The following LUZP2 variants were observed in gnomAD, a reference collection of about 807,000 sequenced individuals.
LUZP2 encodes the protein leucine zipper protein 2.
LUZP2 carries 52 observed loss-of-function variants against 51.6 expected under a neutral mutation model. That is an observed-to-expected ratio of 1.01 (90% CI 0.81 to 1.27). The LOEUF is 1.27. Among genes scored for constraint, LUZP2 ranks in the 50% most tolerant of loss-of-function variants. The pLI is 0.00. For synonymous variants in LUZP2, 154 were observed against 137.3 expected, an observed-to-expected ratio of 1.12 and a Z score of -0.85; for missense variants, 436 against 395.4, an observed-to-expected ratio of 1.10 and a Z score of -0.87.
At chr11:24,596,426 AC>A (rs1853446672) in intron 1 of LUZP2, among the ~76,000 whole-genome samples, 2 of 152,186 alleles carry the variant, frequency 1.3e-5, no homozygotes, top group South Asian at 2.1e-4. Context: ...GATTTGTAGG[AC>A]TTTTATGCAA....
At chr11:24,767,544 G>A (rs756676712) in intron 5 of LUZP2, among the ~76,000 whole-genome samples, 1 of 152,132 alleles carries the variant, frequency 6.6e-6, no homozygotes, top group African/African-American at 2.4e-5. Context: ...TTACAAGTTT[G>A]TTTCTTCTGT....
chr11:24,936,779 C>A (rs1854599354), intron 7 of LUZP2, among the ~76,000 whole-genome samples: 1 of 152,074 alleles, frequency 6.6e-6, no homozygotes, highest in African/African-American at 2.4e-5. Context: ...TGAACTCGTG[C>A]AGTTTAGTCA....
intron 5 of LUZP2, among the ~76,000 whole-genome samples, chr11:24,886,770 T>C (rs1241587107): frequency 6.6e-6 from 1 of 152,172 alleles, no homozygotes; most frequent in Non-Finnish European, 1.5e-5. Flanking sequence ...TTAGATCTAG[T>C]CTAGAATGCC....
intron 1 of LUZP2, among the ~76,000 whole-genome samples, chr11:24,625,869 TGTG>T (rs1283712304): frequency 6.6e-6 from 1 of 151,994 alleles, no homozygotes; most frequent in Non-Finnish European, 1.5e-5. Flanking sequence ...ACAGTGGAAA[TGTG>T]GTGACCAACA....
chr11:24,544,409 T>C (rs1427180857), intron 1 of LUZP2, among the ~76,000 whole-genome samples: 2 of 152,086 alleles, frequency 1.3e-5, no homozygotes, highest in African/African-American at 4.8e-5. Flanking sequence ...TAGTGCCCAT[T>C]AGTTATTTTT....
intron 10 of LUZP2, among the ~76,000 whole-genome samples, chr11:25,058,992 T>C (rs1858762434): frequency 6.6e-6 from 1 of 152,190 alleles, no homozygotes; most frequent in South Asian, 2.1e-4. Context: ...TTTACTTTGT[T>C]TCTCTTTTGT....
At chr11:25,026,696 T>C (rs1394649924) in intron 9 of LUZP2, among the ~76,000 whole-genome samples, 1 of 152,046 alleles carries the variant, frequency 6.6e-6, no homozygotes, top group Non-Finnish European at 1.5e-5. Context: ...GGTAGCATGA[T>C]TGGTTGCTAT....
At chr11:25,058,217 T>C (rs1858742984) in intron 10 of LUZP2, among the ~76,000 whole-genome samples, 1 of 152,034 alleles carries the variant, frequency 6.6e-6, no homozygotes, top group Non-Finnish European at 1.5e-5. Context: ...GATAGGTAGA[T>C]TCCAATGGTC....
At chr11:24,710,008 T>C (rs1857752766) in intron 1 of LUZP2, among the ~76,000 whole-genome samples, 1 of 152,162 alleles carries the variant, frequency 6.6e-6, no homozygotes, top group Admixed American at 6.6e-5. Context: ...TGGAAAGTTA[T>C]AGAAATGTGC....
intron 4 of LUZP2, among the ~76,000 whole-genome samples, chr11:24,749,034 C>T (rs1024053181): frequency 6.6e-6 from 1 of 152,048 alleles, no homozygotes; most frequent in African/African-American, 2.4e-5. Context: ...TAAAGTAATA[C>T]CAGAGGGCAT....
At chr11:24,507,752 C>T (rs1012140288) in intron 1 of LUZP2, among the ~76,000 whole-genome samples, 3 of 151,986 alleles carry the variant, frequency 2.0e-5, no homozygotes, top group Non-Finnish European at 4.4e-5. Context: ...TCTGAACTTT[C>T]AAAATGAGGA....
At chr11:24,949,251 T>C (rs974941928) in intron 7 of LUZP2, among the ~76,000 whole-genome samples, 4 of 151,510 alleles carry the variant, frequency 2.6e-5, no homozygotes, top group African/African-American at 9.7e-5. Context: ...CTACATCCTC[T>C]ATTTCTTTCT....
rs150672708 is a variant in LUZP2 at position 24,912,588 on chromosome 11, T to G, written c.460-1888T>G. Among the ~76,000 whole-genome samples, 437 of 152,180 alleles carry G rather than the reference T, an allele frequency of 2.9e-3. 3 individuals are homozygous for G. The highest frequency in any genetic ancestry group is 9.9e-3 in the African/African-American group (409 of 41,514). On this transcript the variant is annotated intron_variant, in intron 6 of 11. Transcript: ENST00000336930. ...CTTTGGGATGCTGAGGTGGGCAGAT[T>G]GCCTGAGCTCAGGAGTTCGAGACAA...
At chr11:24,536,794 CA>C (rs1345407200) in intron 1 of LUZP2, among the ~76,000 whole-genome samples, 3 of 151,892 alleles carry the variant, frequency 2.0e-5, no homozygotes, top group Non-Finnish European at 2.9e-5. Context: ...CTCTTTGACA[CA>C]AGAAGCCTTT....
chr11:24,537,726 T>TA, intron 1 of LUZP2, among the ~76,000 whole-genome samples: 1 of 151,992 alleles, frequency 6.6e-6, no homozygotes, highest in African/African-American at 2.4e-5. Context: ...TGAAAAGCCT[T>TA]TTACAATTTT....
intron 1 of LUZP2, among the ~76,000 whole-genome samples, chr11:24,705,991 T>C (rs1857569490): frequency 6.6e-6 from 1 of 150,680 alleles, no homozygotes; most frequent in African/African-American, 2.4e-5. Context: ...AAGCATTGAG[T>C]GACAGCTTAA....
intron 5 of LUZP2, among the ~76,000 whole-genome samples, chr11:24,887,483 A>G (rs1397142250): frequency 6.6e-6 from 1 of 152,134 alleles, no homozygotes; most frequent in Non-Finnish European, 1.5e-5. Flanking sequence ...TTGGCAATGA[A>G]TGATTTCTTT....
In LUZP2 at chr11:24,976,657, C is replaced by G. The variant is rs774637821; in HGVS notation, c.589C>G (p.Leu197Val). ...VAKNELEKAA[L>V]DRESQMKAMK... ...CAAAAATGAACTGGAGAAAGCAGCT[C>G]TTGACAGGGTAAGTCTACATTCATG... Residue 197 changes from leucine (L) to valine (V), a missense_variant, in exon 8 of 12, where the codon CTT (leucine) becomes GTT (valine). Physicochemically the swap from Leu to Val is conservative, Grantham distance 32. Transcript: ENST00000336930. The G allele has an allele frequency of 2.6e-6, 4 of 1,564,444 alleles. No homozygotes were observed. The African/African-American group carries it at 6.0e-5, about 24-fold the overall frequency.
intron 1 of LUZP2, among the ~76,000 whole-genome samples, chr11:24,535,842 A>AT (rs1316068415): frequency 6.6e-6 from 1 of 151,638 alleles, no homozygotes; most frequent in African/African-American, 2.4e-5. Context: ...GAGGTTTAAA[A>AT]TTTCCTTTGC....
Sources: allele counts gnomAD v4.1 joint callset (sites outside exome capture counted in the v4.1 genomes callset), GRCh38; gene constraint gnomAD v4.1.1; transcripts MANE v1.5; gene names NCBI Gene and HGNC (gene_info 2026-07-23, HGNC 2026-07-21).